UNC5A: variants seen among roughly 807,000 people sequenced by gnomAD.
UNC5A encodes netrin receptor UNC5A.
UNC5A carries 20 observed loss-of-function variants against 87.4 expected under a neutral mutation model. That is an observed-to-expected ratio of 0.23 (90% CI 0.16 to 0.33). UNC5A has a LOEUF of 0.33. Among genes scored for constraint, UNC5A ranks in the 10% least tolerant of loss-of-function variants. The pLI, the probability that UNC5A is intolerant of heterozygous loss-of-function variation, is 1.00. For missense variants in UNC5A, 844 were observed against 1,133.4 expected (o/e 0.74, Z 3.67); for synonymous variants, 438 against 482.3 (o/e 0.91, Z 1.20).
rs763369223 is a variant in UNC5A, at chr5:176,862,825, G to A, written c.272G>A (p.Arg91His). ...CGCCAGGTGGACCACGTGATCGAGC[G>A]CAGCACAGACGGGAGCAGTGGTGAG... is the stretch of plus-strand genomic sequence containing the variant. ...WVRQVDHVIERSTDGSSGLPT... is the reference protein window; with the variant it reads ...WVRQVDHVIEHSTDGSSGLPT... Residue 91 changes from arginine (R) to histidine (H), a missense_variant, in exon 2 of 15, where the codon CGC becomes CAC. By Grantham distance (29) the Arg-to-His change is conservative. This residue lies in a region of UNC5A where 314 missense variants were observed against 466.5 expected (regional missense o/e 0.67). Transcript: ENST00000329542. 12 of 1,613,198 alleles carry A rather than the reference G, an allele frequency of 7.4e-6. No homozygotes were observed. Among genetic ancestry groups the A allele is most frequent in the East Asian group, 2.2e-5 (1 of 44,870 alleles).
intron 13 of UNC5A, 128 bp downstream of exon 13, chr5:176,878,767 T>A: frequency 7.8e-7 from 1 of 1,274,168 alleles, no homozygotes; most frequent in Non-Finnish European, 1.1e-6. Flanking sequence ...CAGGCCCACC[T>A]CCTCCTAGAA....
chr5:176,856,625 A>G (rs971603794), intron 1 of UNC5A, among the ~76,000 whole-genome samples: 2 of 152,102 alleles, frequency 1.3e-5, no homozygotes, highest in African/African-American at 4.8e-5. Flanking sequence ...TGAGTGACAA[A>G]AAGTGTGGAT....
chr5:176,864,026 C>T (rs1298568245), intron 2 of UNC5A, among the ~76,000 whole-genome samples: 1 of 151,650 alleles, frequency 6.6e-6, no homozygotes, highest in Non-Finnish European at 1.5e-5. Flanking sequence ...TGTCGAGGCA[C>T]AGCCCGTGCG....
Position 176,810,965 on chromosome 5 carries a change from C to T in UNC5A, c.70+145C>T. On this transcript the variant is annotated intron_variant, in intron 1 of 14. Coordinates refer to ENST00000329542, the MANE Select transcript of UNC5A (RefSeq NM_133369.3). The surrounding 1 kb of genome is among the most constrained non-coding windows in gnomAD (Gnocchi z 7.3). ...ACTTTGCGAGGCGGGACGCGGGGGG[C>T]TCTTCTTGCTGCTGCGCAGCTTCCC... is the stretch of plus-strand genomic sequence containing the variant. The T allele has an allele frequency of 1.6e-6, 1 of 644,118 alleles. No homozygotes were observed. The highest frequency in any genetic ancestry group is 2.1e-6 in the Non-Finnish European group (1 of 485,176). The allele number at this position is 644,118 out of a possible 1,614,324, so 39.9% of individuals were successfully genotyped here. A position where few individuals can be genotyped will look rare whatever the true frequency, so the allele number is the denominator to read the frequency against.
At chr5:176,872,172 C>T (rs1365533781) in intron 6 of UNC5A, among the ~76,000 whole-genome samples, 1 of 94,966 alleles carries the variant, frequency 1.1e-5, no homozygotes, top group African/African-American at 4.2e-5. Context: ...CATCTGCCCA[C>T]ACTCGCCCCA....
Position 176,880,183 on chromosome 5 carries a change from T to G in UNC5A, c.*297T>G. 3.0e-6 allele frequency: 1 copy of G among 332,132 alleles called. No homozygotes were observed. Among genetic ancestry groups the G allele is most frequent in the Non-Finnish European group, 5.6e-6 (1 of 178,034 alleles). The allele number at this position is 332,132 out of a possible 1,614,324, so 20.6% of individuals were successfully genotyped here. ...GTGTGTGTGTATGTGCGTGTGATGC[T>G]ACCTCTCCTCCCGTCCCTCTCCAGG... is the stretch of plus-strand genomic sequence containing the variant. On this transcript the variant is annotated 3_prime_UTR_variant, in exon 15 of 15. Coordinates refer to ENST00000329542, the MANE Select transcript of UNC5A (RefSeq NM_133369.3).
intron 2 of UNC5A, 41 bp from the exon 3 acceptor site, chr5:176,868,089 G>C: frequency 1.4e-5 from 23 of 1,596,066 alleles, no homozygotes; most frequent in Non-Finnish European, 2.0e-5. Flanking sequence ...GAAGCTCAGG[G>C]TGGCCCTGGG....
intron 5 of UNC5A, 104 bp from the exon 6 acceptor site, chr5:176,870,266 T>C (rs1010250118): frequency 1.4e-6 from 2 of 1,439,284 alleles, no homozygotes; most frequent in Admixed American, 2.0e-5. Context: ...CCAGGCTGCC[T>C]TGCACTGCCT....
intron 1 of UNC5A, among the ~76,000 whole-genome samples, chr5:176,831,519 G>C (rs1757025013): frequency 6.6e-6 from 1 of 152,242 alleles, no homozygotes; most frequent in African/African-American, 2.4e-5. Context: ...GCCTTGGGCT[G>C]GCCCCTCTTT....
chr5:176,880,123 C>A lies in UNC5A; in HGVS notation c.*237C>A, dbSNP rs2149371848. ...ACTCGGCCCCAGGGCCCAGGAGGGA[C>A]AGTGCCTGGAGCCTGGGCCAGGCCC... On this transcript the variant is annotated 3_prime_UTR_variant, in exon 15 of 15. Transcript: ENST00000329542. 1 of 545,410 alleles carries A rather than the reference C, an allele frequency of 1.8e-6. No homozygotes were observed. Among genetic ancestry groups the A allele is most frequent in the Non-Finnish European group, 3.2e-6 (1 of 308,614 alleles). The allele number at this position is 545,410 out of a possible 1,614,324, so 33.8% of individuals were successfully genotyped here. A position where few individuals can be genotyped will look rare whatever the true frequency, so the allele number is the denominator to read the frequency against.
In UNC5A at chr5:176,865,437, G is replaced by A. The variant is rs1183300889; in HGVS notation, c.292+2592G>A. 1.1e-5 allele frequency: 4 copies of A among 362,436 alleles called. No individual in the cohort carries two copies. Among genetic ancestry groups the A allele is most frequent in the South Asian group, 4.1e-5 (2 of 48,972 alleles). The allele number at this position is 362,436 out of a possible 1,614,324, so 22.5% of individuals were successfully genotyped here. A position where few individuals can be genotyped will look rare whatever the true frequency, so the allele number is the denominator to read the frequency against. ...AGCCCCTGGCCCACACTCCCCAGCC[G>A]GCTCCTGTGGCCCTGTTCTCTTCCT... On this transcript the variant is annotated intron_variant, in intron 2 of 14. Transcript: ENST00000329542. This position sits in a 1 kb window ranked among gnomAD's most constrained non-coding sequence, Gnocchi z 5.3.
chr5:176,825,801 G>T (rs1368967550), intron 1 of UNC5A, among the ~76,000 whole-genome samples: 1 of 152,224 alleles, frequency 6.6e-6, no homozygotes, highest in African/African-American at 2.4e-5. Flanking sequence ...AGAGGGGATG[G>T]GCTGAGGGAC....
intron 1 of UNC5A, among the ~76,000 whole-genome samples, chr5:176,830,154 C>T (rs1756963427): frequency 6.6e-6 from 1 of 152,178 alleles, no homozygotes; most frequent in South Asian, 2.1e-4. Context: ...CCATGAGAAC[C>T]GCTCTAAGGG....
In UNC5A at chr5:176,869,507, C is replaced by T; in HGVS notation, c.721+543C>T. On this transcript the variant is annotated intron_variant, in intron 5 of 14. Coordinates refer to ENST00000329542, the MANE Select transcript of UNC5A (RefSeq NM_133369.3). The surrounding 1 kb of genome is among the most constrained non-coding windows in gnomAD (Gnocchi z 9.1). ...CTTCTCTCCCAGCTCAGCCACAGCC[C>T]ACCCGTGTCCAGCTCACAGCCCCTC... 3.3e-6 allele frequency: 2 copies of T among 601,072 alleles called. No individual in the cohort carries two copies. Among genetic ancestry groups the T allele is most frequent in the African/African-American group, 3.7e-5 (2 of 53,688 alleles). 37.2% of individuals were successfully genotyped at this position (601,072 alleles called of 1,614,324 possible).
At chr5:176,872,991 T>C (rs1206076565) in intron 6 of UNC5A, among the ~76,000 whole-genome samples, 29 of 6,420 alleles carry the variant, frequency 4.5e-3, no homozygotes, top group Non-Finnish European at 8.4e-3. Flanking sequence ...TGCCCACACC[T>C]GCCCCAACAC....
rs1758360633 is a variant in UNC5A, at chr5:176,879,477, C to A, written c.2352C>A (p.Leu784=). The A allele has an allele frequency of 6.2e-7, 1 of 1,608,280 alleles. No homozygotes were observed. The highest frequency in any genetic ancestry group is 1.1e-5 in the South Asian group (1 of 90,432). The change falls in exon 14 of 15, where the codon CTC becomes CTA. Residue 784 remains leucine (L), a synonymous_variant. Coordinates refer to ENST00000329542, the MANE Select transcript of UNC5A (RefSeq NM_133369.3). ...GADWRTLAQK[L]HLDSHLSFFA... is the part of the protein sequence containing the mutation. ...ACTGGCGGACTCTGGCCCAGAAACT[C>A]CACCTGGACAGGTGGGCGGGAGAGG... is the stretch of plus-strand genomic sequence containing the variant.
intron 2 of UNC5A, 25 bp from the exon 3 acceptor site, chr5:176,868,105 G>C (rs776291145): frequency 6.2e-7 from 1 of 1,606,272 alleles, no homozygotes; most frequent in Non-Finnish European, 8.5e-7. Flanking sequence ...CTGGGGCTCT[G>C]ACTACCTGCC....
In UNC5A at chr5:176,874,388, C is replaced by G; in HGVS notation, c.1200C>G (p.Leu400=). 1 of 1,613,750 alleles carries G rather than the reference C, an allele frequency of 6.2e-7. No homozygotes were observed. The highest frequency in any genetic ancestry group is 8.5e-7 in the Non-Finnish European group (1 of 1,179,956). The part of the protein sequence containing the change: ...PKFQLTNGHL[L]SPLGGGRHTL... The stretch of plus-strand genomic sequence containing the variant: ...TCCAGCTCACCAATGGGCACCTGCT[C>G]AGCCCCCTGGGTGGCGGCCGCCACA... The change falls in exon 8 of 15, where the codon CTC becomes CTG. Residue 400 remains leucine (L), a synonymous_variant. Coordinates refer to ENST00000329542, the MANE Select transcript of UNC5A (RefSeq NM_133369.3). The surrounding 1 kb of genome is among the most constrained non-coding windows in gnomAD (Gnocchi z 7.6).
rs546397612 is a variant in UNC5A at position 176,869,579 on chromosome 5, C to T, written c.721+615C>T. Reference sequence around the variant, plus strand: ...GGGCCAGTGTATCTGAGGACGCCCCCGCTCCCTGACCCCAGTCCTTCTCTG... The same window carrying T: ...GGGCCAGTGTATCTGAGGACGCCCCTGCTCCCTGACCCCAGTCCTTCTCTG... On this transcript the variant is annotated intron_variant, in intron 5 of 14. Coordinates refer to ENST00000329542, the MANE Select transcript of UNC5A (RefSeq NM_133369.3). This position sits in a 1 kb window ranked among gnomAD's most constrained non-coding sequence, Gnocchi z 9.1. 109 of 685,644 alleles carry T rather than the reference C, an allele frequency of 1.6e-4. No individual in the cohort carries two copies. The Admixed American group carries it at 1.9e-3, about 12-fold the overall frequency. The allele number at this position is 685,644 out of a possible 1,614,324, so 42.5% of individuals were successfully genotyped here. A position where few individuals can be genotyped will look rare whatever the true frequency, so the allele number is the denominator to read the frequency against.
Sources: gnomAD v4.1 joint callset for allele counts (sites outside exome capture counted in the v4.1 genomes callset) on GRCh38, gnomAD v4.1.1 for gene constraint, gnomAD v4.1.1 regional missense constraint, Gnocchi (gnomAD v3.1) non-coding constraint, MANE v1.5 for transcripts, NCBI Gene and HGNC (gene_info 2026-07-23, HGNC 2026-07-21) for gene names.